CFAP299: variants seen among roughly 807,000 people sequenced by gnomAD.
The protein encoded by CFAP299 is cilia- and flagella-associated protein 299.
Under a neutral mutation model 27.0 loss-of-function variants are expected in CFAP299, and 21 were observed. The ratio of observed to expected loss-of-function variants is 0.78; its 90% CI spans 0.55 to 1.12. The LOEUF (loss-of-function observed/expected upper bound fraction) is 1.12. Among genes scored for constraint, CFAP299 ranks in the 50% most tolerant of loss-of-function variants. The probability of loss-of-function intolerance (pLI) is 0.00; values close to 1 mark genes in which losing one functional copy is unlikely to be tolerated. For missense variants in CFAP299, 310 were observed against 276.6 expected, an observed-to-expected ratio of 1.12 and a Z score of -0.86; for synonymous variants, 104 against 98.1, an observed-to-expected ratio of 1.06 and a Z score of -0.36.
At chr4:80,898,393 A>G (rs1734718106) in intron 4 of CFAP299, among the ~76,000 whole-genome samples, 1 of 151,772 alleles carries the variant, frequency 6.6e-6, no homozygotes, top group Non-Finnish European at 1.5e-5. Context: ...TCTCTCTAAC[A>G]TCCAAACTTA....
intron 2 of CFAP299, among the ~76,000 whole-genome samples, chr4:80,523,190 A>G (rs1229980923): frequency 2.0e-5 from 3 of 152,020 alleles, no homozygotes; most frequent in Non-Finnish European, 4.4e-5. Context: ...CATTATACAG[A>G]TCATTTGCCT....
chr4:80,472,981 A>G (rs1343109478), intron 2 of CFAP299, among the ~76,000 whole-genome samples: 1 of 152,160 alleles, frequency 6.6e-6, no homozygotes, highest in African/African-American at 2.4e-5. Context: ...TCATGACAAA[A>G]ATGATTACAG....
intron 2 of CFAP299, among the ~76,000 whole-genome samples, chr4:80,404,248 A>G (rs1726304714): frequency 6.6e-6 from 1 of 152,068 alleles, no homozygotes; most frequent in Admixed American, 6.6e-5. Context: ...ACACACACAC[A>G]CAATATAATT....
intron 5 of CFAP299, among the ~76,000 whole-genome samples, chr4:80,950,161 T>C (rs1737697876): frequency 1.3e-5 from 2 of 151,992 alleles, no homozygotes; most frequent in Non-Finnish European, 2.9e-5. Flanking sequence ...AGAACATGTG[T>C]GTGTGAGAGA....
chr4:80,944,810 C>A lies in CFAP299; in HGVS notation c.477C>A (p.Ser159Arg), dbSNP rs1737385289. 5 of 1,590,410 alleles carry A rather than the reference C, an allele frequency of 3.1e-6. No homozygotes were observed. In the South Asian group the frequency reaches 5.7e-5, roughly 18 times the overall value. Residue 159 changes from serine (S) to arginine (R), a missense_variant and splice_region_variant, in exon 5 of 6, where the codon AGC becomes AGA. By Grantham distance (110) the Ser-to-Arg change is moderately radical (BLOSUM62 -1). Transcript: ENST00000358105. ...KRLLPRPTDI[S>R]FYNWDADIAV... is the part of the protein sequence containing the mutation. ...TCCTAATAAATGTTTATTTTTATAG[C>A]TTTTACAACTGGGACGCTGATATTG...
At chr4:80,552,473 A>G (rs917982142) in intron 2 of CFAP299, among the ~76,000 whole-genome samples, 12 of 152,184 alleles carry the variant, frequency 7.9e-5, no homozygotes, top group Admixed American at 2.0e-4. Flanking sequence ...TGCATGTGCC[A>G]TCATGCTTTT....
chr4:80,730,674 A>T (rs910803323), intron 3 of CFAP299, among the ~76,000 whole-genome samples: 2 of 152,170 alleles, frequency 1.3e-5, no homozygotes, highest in African/African-American at 4.8e-5. Flanking sequence ...AGACAAAGGT[A>T]ACCTAGGTAG....
chr4:80,729,592 C>CTTTTTTTTTTTTTTTTTTTTTTTTTT (rs34745276), intron 3 of CFAP299, among the ~76,000 whole-genome samples: 1 of 64,318 alleles, frequency 1.6e-5, no homozygotes, highest in Non-Finnish European at 2.8e-5. Flanking sequence ...GCTTCAGCAT[C>CTTTTTTTTTTTTTTTTTTTTTTTTTT]TTTTTTTTTT....
intron 3 of CFAP299, among the ~76,000 whole-genome samples, chr4:80,755,482 C>A (rs1481379037): frequency 6.6e-6 from 1 of 152,052 alleles, no homozygotes; most frequent in Non-Finnish European, 1.5e-5. Context: ...TCATGTAGAA[C>A]AAATGCATGG....
intron 3 of CFAP299, among the ~76,000 whole-genome samples, chr4:80,757,371 T>C (rs35668667): frequency 0.14 from 21,825 of 152,172 alleles, 1,946 homozygotes; most frequent in African/African-American, 0.24. Context: ...AAATTGTTTT[T>C]CTCATGATTA....
chr4:80,362,886 T>C lies in CFAP299; in HGVS notation c.242+2T>C. 1 of 1,601,198 alleles carries C rather than the reference T, an allele frequency of 6.2e-7. No homozygotes were observed. The highest frequency in any genetic ancestry group is 8.5e-7 in the Non-Finnish European group (1 of 1,176,530). ...ACTGGCTGAAAGAGCTCAGCAAAAG[T>C]AAGTGTCCATGTTCCAAATCCAGAT... On this transcript the variant is annotated splice_donor_variant, in intron 2 of 5. Coordinates refer to ENST00000358105, the MANE Select transcript of CFAP299 (RefSeq NM_152770.3). LOFTEE classifies it high-confidence loss of function.
At chr4:80,456,793 A>C (rs750213058) in intron 2 of CFAP299, among the ~76,000 whole-genome samples, 2 of 152,160 alleles carry the variant, frequency 1.3e-5, no homozygotes, top group South Asian at 4.1e-4. Context: ...GTAATCATGT[A>C]AATGAATAAA....
intron 3 of CFAP299, among the ~76,000 whole-genome samples, chr4:80,696,919 A>G (rs1191092151): frequency 2.0e-5 from 3 of 152,252 alleles, no homozygotes; most frequent in Non-Finnish European, 4.4e-5. Flanking sequence ...TTATGCATAG[A>G]CAAGCAGTTA....
intron 3 of CFAP299, among the ~76,000 whole-genome samples, chr4:80,750,975 A>G (rs1724897749): frequency 6.6e-6 from 1 of 152,150 alleles, no homozygotes; most frequent in African/African-American, 2.4e-5. Context: ...CCTTTAGCTC[A>G]GTGAATTTCG....
chr4:80,644,455 C>T (rs969100166), intron 3 of CFAP299, among the ~76,000 whole-genome samples: 23 of 152,124 alleles, frequency 1.5e-4, no homozygotes, highest in African/African-American at 4.1e-4. Flanking sequence ...TTGGGTAACA[C>T]ACCCAATATT....
At chr4:80,867,585 AT>A (rs917560875) in intron 3 of CFAP299, among the ~76,000 whole-genome samples, 1 of 152,188 alleles carries the variant, frequency 6.6e-6, no homozygotes, top group Non-Finnish European at 1.5e-5. Flanking sequence ...GGGTTGGCAG[AT>A]TTGGTTTCTT....
chr4:80,678,233 A>G (rs1423563998), intron 3 of CFAP299, among the ~76,000 whole-genome samples: 1 of 151,746 alleles, frequency 6.6e-6, no homozygotes, highest in African/African-American at 2.4e-5. Flanking sequence ...CCTCCCCTCA[A>G]CCTTCAAGCT....
intron 2 of CFAP299, among the ~76,000 whole-genome samples, chr4:80,381,033 A>G (rs968705922): frequency 3.9e-5 from 6 of 151,972 alleles, no homozygotes; most frequent in African/African-American, 1.5e-4. Context: ...CACCTCTTTT[A>G]TATTCCACTA....
At chr4:80,526,972 A>T (rs1350943268) in intron 2 of CFAP299, among the ~76,000 whole-genome samples, 1 of 152,142 alleles carries the variant, frequency 6.6e-6, no homozygotes, top group Non-Finnish European at 1.5e-5. Context: ...TGAGAGCAAG[A>T]CACCAACTGT....
Sources: allele counts gnomAD v4.1 joint callset (sites outside exome capture counted in the v4.1 genomes callset), GRCh38; gene constraint gnomAD v4.1.1; transcripts MANE v1.5; gene names NCBI Gene and HGNC (gene_info 2026-07-23, HGNC 2026-07-21).